TMEM19: variants seen among roughly 807,000 people sequenced by gnomAD.
The protein encoded by TMEM19 is transmembrane protein 19.
In TMEM19, 21 loss-of-function variants were observed where a neutral mutation model predicts 33.6. The observed-to-expected ratio is 0.62, with a 90% CI of 0.44 to 0.90. The LOEUF is 0.90. TMEM19 is among the 40% of genes least tolerant of loss of function. The pLI, the probability that TMEM19 is intolerant of heterozygous loss-of-function variation, is 0.00. For missense variants in TMEM19, 402 were observed against 401.8 expected, an observed-to-expected ratio of 1.00 and a Z score of 0.00; for synonymous variants, 149 against 147.5, an observed-to-expected ratio of 1.01 and a Z score of -0.07.
intron 1 of TMEM19, among the ~76,000 whole-genome samples, chr12:71,687,094 G>A (rs368602945): frequency 2.6e-5 from 4 of 151,818 alleles, no homozygotes; most frequent in Admixed American, 6.6e-5. Flanking sequence ...CAAACCCCTA[G>A]GCTCAAGTGA....
chr12:71,699,997 T>G (rs1881948349), intron 5 of TMEM19: 1 of 152,290 alleles, frequency 6.6e-6, no homozygotes, highest in African/African-American at 2.4e-5. Context: ...CAACCATGTT[T>G]CTCCTTTGAT....
In TMEM19 at chr12:71,699,065, G is replaced by A. The variant is rs138665801; in HGVS notation, c.803G>A (p.Gly268Glu). ...IAFGGLAGLL[G>E]SIVDSYLGAT... is the part of the protein sequence containing the mutation. ...TTTGGTGGTTTAGCTGGATTACTAGGATCAATTGTGGACTCATACTTAGGG... is the reference window on the plus strand; with the variant it reads ...TTTGGTGGTTTAGCTGGATTACTAGAATCAATTGTGGACTCATACTTAGGG... The change falls in exon 5 of 6, where the codon GGA becomes GAA. Residue 268 changes from glycine (G) to glutamate (E), a missense_variant. By Grantham distance (98) the Gly-to-Glu change is moderately conservative. Coordinates refer to ENST00000266673, the MANE Select transcript of TMEM19 (RefSeq NM_018279.4). The A allele has an allele frequency of 1.2e-6, 2 of 1,614,060 alleles. No individual in the cohort carries two copies. The highest frequency in any genetic ancestry group is 1.7e-6 in the Non-Finnish European group (2 of 1,180,040).
chr12:71,697,456 A>G lies in TMEM19; in HGVS notation c.559A>G (p.Thr187Ala). 2 of 1,607,914 alleles carry G rather than the reference A, an allele frequency of 1.2e-6. No individual in the cohort carries two copies. Among genetic ancestry groups the G allele is most frequent in the Non-Finnish European group, 1.7e-6 (2 of 1,177,910 alleles). Residue 187 changes from threonine to alanine, a missense_variant, in exon 4 of 6, where the codon ACA becomes GCA. Coordinates refer to ENST00000266673, the MANE Select transcript of TMEM19 (RefSeq NM_018279.4). ...LAALACSAGD[T>A]WASEVGPVLS... is the part of the protein sequence containing the mutation. ...TGCACTGGCCTGCTCTGCTGGAGAC[A>G]CATGGGCTTCAGAAGTTGGCCCAGT...
rs1881962232 is a variant in TMEM19, at chr12:71,700,751, A to T, written c.848-81A>T. ...TGTACCCTAGAACTTAAAGTATAAT[A>T]AAAAAAAAAAAAAAGAAAGAAAAGA... On this transcript the variant is annotated intron_variant, in intron 5 of 5. Transcript: ENST00000266673. 1.4e-4 allele frequency: 25 copies of T among 173,846 alleles called. No individual in the cohort carries two copies. In the South Asian group the frequency reaches 1.8e-3, roughly 13 times the overall value. The allele number at this position is 173,846 out of a possible 1,614,324, so 10.8% of individuals were successfully genotyped here.
At position 71,699,469 on chromosome 12, in the gene TMEM19, G is replaced by T. The variant is rs137968696; in HGVS notation, c.847+360G>T. 3,013 of 383,872 alleles carry T rather than the reference G, an allele frequency of 7.8e-3. 15 individuals are homozygous for T. The highest frequency in any genetic ancestry group is 0.012 in the Admixed American group (277 of 23,196). The allele number at this position is 383,872 out of a possible 1,614,324, so 23.8% of individuals were successfully genotyped here. ...TTCCTATTCCATTTGAGGAGTAATT[G>T]TACAAATCTGACTATACACACGACC... On this transcript the variant is annotated intron_variant, in intron 5 of 5. Coordinates refer to ENST00000266673, the MANE Select transcript of TMEM19 (RefSeq NM_018279.4).
intron 2 of TMEM19, among the ~76,000 whole-genome samples, chr12:71,691,047 T>C (rs1881776880): frequency 6.6e-6 from 1 of 152,198 alleles, no homozygotes; most frequent in Non-Finnish European, 1.5e-5. Flanking sequence ...CCTTATTTCA[T>C]TTTTAGGGCA....
At chr12:71,700,352 G>A (rs868548918) in intron 5 of TMEM19, among the ~76,000 whole-genome samples, 4 of 152,126 alleles carry the variant, frequency 2.6e-5, no homozygotes, top group South Asian at 2.1e-4. Context: ...AAATCTTTGT[G>A]TGCCTCCTTT....
chr12:71,690,684 T>C (rs1182611608), intron 2 of TMEM19, among the ~76,000 whole-genome samples: 1 of 152,230 alleles, frequency 6.6e-6, no homozygotes, highest in Non-Finnish European at 1.5e-5. Context: ...TAGTGCATTC[T>C]TCTGTAAATG....
chr12:71,704,118 TG>T lies in TMEM19; in HGVS notation c.*3127del. The T allele has an allele frequency of 3.4e-6, 1 of 295,126 alleles. No homozygotes were observed. The highest frequency in any genetic ancestry group is 7.4e-6 in the Non-Finnish European group (1 of 135,284). 18.3% of individuals were successfully genotyped at this position (295,126 alleles called of 1,614,324 possible). A position where few individuals can be genotyped will look rare whatever the true frequency, so the allele number is the denominator to read the frequency against. The stretch of plus-strand genomic sequence containing the variant: ...TAGAAGAGAGCAGATATATGTGGCT[TG>T]GGGCAGCTCCTGAAGAAGACTTGCA... On this transcript the variant is annotated 3_prime_UTR_variant, in exon 6 of 6. Transcript: ENST00000266673.
At chr12:71,689,884 T>G (rs1174278421) in intron 2 of TMEM19, among the ~76,000 whole-genome samples, 180 bp downstream of exon 2, 2 of 152,378 alleles carry the variant, frequency 1.3e-5, no homozygotes, top group South Asian at 2.1e-4. Flanking sequence ...GAAACTAACG[T>G]ACACTTTTAG....
chr12:71,697,594 A>G, intron 4 of TMEM19, 60 bp downstream of exon 4: 11 of 1,499,920 alleles, frequency 7.3e-6, no homozygotes, highest in Non-Finnish European at 9.7e-6. Flanking sequence ...TTGATTTGAG[A>G]TTCTTTAAAA....
In TMEM19 at chr12:71,698,932, G is replaced by A. The variant is rs373448030; in HGVS notation, c.670G>A (p.Val224Ile). The change falls in exon 5 of 6, where the codon GTC becomes ATC. Residue 224 changes from valine to isoleucine, a missense_variant. Transcript: ENST00000266673. ...TNGGVTVVGL[V>I]SSLLGGTFVG... ...TGGAGGAGTTACAGTGGTGGGCCTT[G>A]TCTCCAGTCTCCTTGGTGGTACCTT... 44 of 1,614,148 alleles carry A rather than the reference G, an allele frequency of 2.7e-5. No individual in the cohort carries two copies. The African/African-American group carries it at 4.8e-4, about 18-fold the overall frequency.
chr12:71,697,642 CT>C, intron 4 of TMEM19, 108 bp downstream of exon 4: 3 of 1,342,370 alleles, frequency 2.2e-6, no homozygotes, highest in Non-Finnish European at 2.0e-6. Flanking sequence ...ATTTTAGAGC[CT>C]TTTAAGAACT....
intron 2 of TMEM19, among the ~76,000 whole-genome samples, chr12:71,691,105 G>C (rs1486007669): frequency 1.3e-5 from 2 of 152,164 alleles, no homozygotes; most frequent in African/African-American, 4.8e-5. Context: ...TCATTGCCTG[G>C]ACACATAGCC....
At position 71,701,539 on chromosome 12, in the gene TMEM19, A is replaced by G. The variant is rs1881979815; in HGVS notation, c.*544A>G. On this transcript the variant is annotated 3_prime_UTR_variant, in exon 6 of 6. Transcript: ENST00000266673. ...GGGAAAAGTGTGGAGATTGGTTCCT[A>G]GTGAGTTTTGTGGCCTACTCCACAT... The G allele has an allele frequency of 6.6e-6, 1 of 152,218 alleles. No individual in the cohort carries two copies. Among genetic ancestry groups the G allele is most frequent in the Non-Finnish European group, 1.5e-5 (1 of 68,050 alleles). 9.4% of individuals were successfully genotyped at this position (152,218 alleles called of 1,614,324 possible).
chr12:71,692,143 A>G (rs961742365), intron 2 of TMEM19, among the ~76,000 whole-genome samples: 3 of 152,214 alleles, frequency 2.0e-5, no homozygotes, highest in Non-Finnish European at 4.4e-5. Flanking sequence ...TTTGTAAACT[A>G]TACAAAAATG....
chr12:71,700,680 T>C (rs1319745616), intron 5 of TMEM19, 152 bp from the exon 6 acceptor site: 1 of 683,986 alleles, frequency 1.5e-6, no homozygotes, highest in Non-Finnish European at 2.1e-6. Flanking sequence ...GATTGTCTCC[T>C]TTGGAGGAAA....
chr12:71,686,570 A>G lies in TMEM19; in HGVS notation c.-111A>G. ...TTTATGCTTGTTTGGTCGGTGGAAT[A>G]TGTTGGGATTTATGTTTGCCTCTGA... On this transcript the variant is annotated 5_prime_UTR_variant, in exon 1 of 6. In the 5' UTR this introduces an upstream ATG that the reference lacks. Coordinates refer to ENST00000266673, the MANE Select transcript of TMEM19 (RefSeq NM_018279.4). 8.2e-7 allele frequency: 1 copy of G among 1,216,248 alleles called. No individual in the cohort carries two copies. Among genetic ancestry groups the G allele is most frequent in the South Asian group, 1.4e-5 (1 of 73,838 alleles). 75.3% of individuals were successfully genotyped at this position (1,216,248 alleles called of 1,614,324 possible).
At chr12:71,690,872 G>T (rs890172060) in intron 2 of TMEM19, among the ~76,000 whole-genome samples, 3 of 152,182 alleles carry the variant, frequency 2.0e-5, no homozygotes, top group Non-Finnish European at 2.9e-5. Context: ...AAATAGTAAC[G>T]ATAGGAAAAG....
Sources: gnomAD v4.1 joint callset for allele counts (sites outside exome capture counted in the v4.1 genomes callset) on GRCh38, gnomAD v4.1.1 for gene constraint, MANE v1.5 for transcripts, NCBI Gene and HGNC (gene_info 2026-07-23, HGNC 2026-07-21) for gene names.